Variants in DENND2B observed in about 807,000 individuals in gnomAD.
DENND2B encodes the protein DENN domain containing 2B.
A neutral mutation model predicts 116.0 loss-of-function variants in DENND2B; 32 were observed. The observed-to-expected ratio is 0.28, with a 90% CI of 0.21 to 0.37. The LOEUF (loss-of-function observed/expected upper bound fraction) is 0.37. Among genes scored for constraint, DENND2B ranks in the 10% least tolerant of loss-of-function variants. The pLI is 1.00. For missense variants in DENND2B, 1,276 were observed against 1,477.7 expected (o/e 0.86, Z 2.24); for synonymous variants, 588 against 583.9 (o/e 1.01, Z -0.10).
At chr11:8,799,007 A>T (rs1463929476) in intron 1 of DENND2B, among the ~76,000 whole-genome samples, 1 of 152,044 alleles carries the variant, frequency 6.6e-6, no homozygotes, top group Non-Finnish European at 1.5e-5. Flanking sequence ...TTGTATTTAG[A>T]GACAAGGTTT....
chr11:8,727,555 C>T (rs994192458), intron 3 of DENND2B, among the ~76,000 whole-genome samples: 8 of 152,200 alleles, frequency 5.3e-5, no homozygotes, highest in African/African-American at 1.9e-4. Context: ...CTCTTTCTCA[C>T]TCTGCACTTT....
upstream of DENND2B, chr11:8,811,482 G>A (rs1233793754): frequency 7.6e-6 from 3 of 393,040 alleles, no homozygotes; most frequent in African/African-American, 6.2e-5. Flanking sequence ...CAGGCTTAGT[G>A]GGAGCTGCTG....
chr11:8,851,330 TAAC>T (rs1391174372), intron 3 of DENND2B, among the ~76,000 whole-genome samples: 5 of 151,668 alleles, frequency 3.3e-5, no homozygotes, highest in African/African-American at 4.8e-5. Flanking sequence ...AAAAATAAAA[TAAC>T]AAAAACATGT....
chr11:8,779,478 G>T (rs1171173614), intron 1 of DENND2B, among the ~76,000 whole-genome samples: 1 of 150,690 alleles, frequency 6.6e-6, no homozygotes. Flanking sequence ...CATGCTCGGG[G>T]TTTCCTTTTT....
intron 2 of DENND2B, among the ~76,000 whole-genome samples, chr11:8,866,344 T>C (rs1278282830): frequency 6.6e-6 from 1 of 152,154 alleles, no homozygotes; most frequent in Non-Finnish European, 1.5e-5. Context: ...AAGTACCAAA[T>C]ACAAAAACAT....
chr11:8,769,061 T>C (rs2056404588), intron 1 of DENND2B, among the ~76,000 whole-genome samples: 1 of 152,006 alleles, frequency 6.6e-6, no homozygotes, highest in African/African-American at 2.4e-5. Flanking sequence ...CTGCCCCTCC[T>C]TGCTGCTCTT....
chr11:8,750,207 T>A (rs1232787157), intron 2 of DENND2B, among the ~76,000 whole-genome samples: 3 of 152,188 alleles, frequency 2.0e-5, no homozygotes, highest in Admixed American at 6.5e-5. Flanking sequence ...TAAACTCCTA[T>A]AAAGCCTAGG....
chr11:8,781,547 T>C (rs1314078337), intron 1 of DENND2B, among the ~76,000 whole-genome samples: 1 of 152,100 alleles, frequency 6.6e-6, no homozygotes, highest in Non-Finnish European at 1.5e-5. Flanking sequence ...TGTGGCAAGC[T>C]GGGCACTCTC....
chr11:8,883,051 G>A (rs919228247), intron 1 of DENND2B, among the ~76,000 whole-genome samples: 7 of 152,086 alleles, frequency 4.6e-5, no homozygotes, highest in East Asian at 1.9e-4. Context: ...ATACAAAGGC[G>A]CATTCTTCAT....
At chr11:8,809,746 C>T (rs1250745264) in intron 1 of DENND2B, 2 of 152,230 alleles carry the variant, frequency 1.3e-5, no homozygotes, top group African/African-American at 2.4e-5. Context: ...CCACCCGGCA[C>T]AACTACAGTG....
chr11:8,840,575 G>A (rs2062590183), intron 3 of DENND2B, among the ~76,000 whole-genome samples: 1 of 151,932 alleles, frequency 6.6e-6, no homozygotes, highest in Non-Finnish European at 1.5e-5. Context: ...ATCTCTTTTT[G>A]GAGAACCAAA....
chr11:8,775,006 G>C (rs1053481821), intron 1 of DENND2B, among the ~76,000 whole-genome samples: 5 of 151,856 alleles, frequency 3.3e-5, no homozygotes, highest in African/African-American at 1.2e-4. Flanking sequence ...TCAGCCTCCT[G>C]AGTAGCCGGG....
intron 1 of DENND2B, among the ~76,000 whole-genome samples, chr11:8,882,424 C>A (rs2063912950): frequency 6.6e-6 from 1 of 152,174 alleles, no homozygotes; most frequent in Non-Finnish European, 1.5e-5. Context: ...TATTGCTCAC[C>A]ATGAGCCAAT....
At chr11:8,875,150 C>T (rs1382387318), upstream of DENND2B, among the ~76,000 whole-genome samples, 1 of 151,856 alleles carries the variant, frequency 6.6e-6, no homozygotes, top group Non-Finnish European at 1.5e-5. Flanking sequence ...GGTGAAACCT[C>T]GTCTCTACTA....
At chr11:8,856,816 C>T (rs982227228) in intron 3 of DENND2B, among the ~76,000 whole-genome samples, 1 of 151,114 alleles carries the variant, frequency 6.6e-6, no homozygotes, top group Non-Finnish European at 1.5e-5. Context: ...TGCAGTGGTG[C>T]AATAATGGCT....
At chr11:8,744,924 A>ATTT (rs34208987) in intron 2 of DENND2B, among the ~76,000 whole-genome samples, 2,076 of 145,666 alleles carry the variant, frequency 0.014, 27 homozygotes, top group Middle Eastern at 0.058. Context: ...TCCAGACCTG[A>ATTT]TTTTTTTTTT....
chr11:8,710,746 C>T (rs1011432428), intron 11 of DENND2B, 99 bp downstream of exon 11: 6 of 1,214,700 alleles, frequency 4.9e-6, no homozygotes, highest in Admixed American at 2.1e-5. Context: ...GCTAAAATTG[C>T]AGAAGGGCAC....
chr11:8,870,869 G>A (rs2134709607), intron 2 of DENND2B: 1 of 152,370 alleles, frequency 6.6e-6, no homozygotes, highest in South Asian at 2.1e-4. Flanking sequence ...CGGGAGTCGG[G>A]AGCAGAGGGA....
At chr11:8,772,852 ATC>A (rs1229163993) in intron 1 of DENND2B, among the ~76,000 whole-genome samples, 117 of 152,218 alleles carry the variant, frequency 7.7e-4, no homozygotes, top group African/African-American at 2.6e-3. Context: ...GTGAGTGGCA[ATC>A]CCAACTCCTT....
Sources: allele counts gnomAD v4.1 joint callset (sites outside exome capture counted in the v4.1 genomes callset), GRCh38; gene constraint gnomAD v4.1.1; transcripts MANE v1.5; gene names NCBI Gene and HGNC (gene_info 2026-07-23, HGNC 2026-07-21).